The following EHBP1 variants were observed in gnomAD, a reference collection of about 807,000 sequenced individuals.
The protein encoded by EHBP1 is EH domain-binding protein 1.
EHBP1 carries 55 observed loss-of-function variants against 144.0 expected under a neutral mutation model. The observed-to-expected ratio is 0.38, with a 90% CI of 0.31 to 0.48. The LOEUF is 0.48. Among genes scored for constraint, EHBP1 ranks in the 20% least tolerant of loss-of-function variants. The pLI is 0.98. For missense variants in EHBP1, 1,200 were observed against 1,364.2 expected (o/e 0.88, Z 1.90); for synonymous variants, 469 against 472.7 (o/e 0.99, Z 0.10).
intron 10 of EHBP1, among the ~76,000 whole-genome samples, chr2:62,922,152 G>C (rs1012640370): frequency 5.9e-5 from 9 of 152,192 alleles, no homozygotes; most frequent in Non-Finnish European, 1.3e-4. Flanking sequence ...TCCAGCCTGA[G>C]CGACAGAGCA....
At chr2:62,947,317 A>G (rs1249548828) in intron 12 of EHBP1, among the ~76,000 whole-genome samples, 6 of 152,204 alleles carry the variant, frequency 3.9e-5, no homozygotes, top group African/African-American at 7.2e-5. Flanking sequence ...AAACATAGCA[A>G]TGTACTTTAA....
At chr2:62,733,081 C>T (rs567107314) in intron 2 of EHBP1, among the ~76,000 whole-genome samples, 3 of 152,164 alleles carry the variant, frequency 2.0e-5, no homozygotes, top group Non-Finnish European at 4.4e-5. Flanking sequence ...TTCATTATCT[C>T]TGCTCTGAGT....
intron 8 of EHBP1, among the ~76,000 whole-genome samples, chr2:62,864,086 G>A (rs1444532291): frequency 3.3e-5 from 5 of 152,030 alleles, no homozygotes; most frequent in African/African-American, 9.6e-5. Context: ...GACCTCAAGT[G>A]ATCTACCCAC....
intron 2 of EHBP1, among the ~76,000 whole-genome samples, chr2:62,736,374 C>A (rs2038133175): frequency 6.6e-6 from 1 of 151,784 alleles, no homozygotes; most frequent in African/African-American, 2.4e-5. Flanking sequence ...GAGGTGTGCA[C>A]CACCATACCC....
At position 62,741,992 on chromosome 2, in the gene EHBP1, C is replaced by G. The variant is rs543304752; in HGVS notation, c.105-5403C>G. On this transcript the variant is annotated intron_variant, in intron 2 of 22. Transcript: ENST00000431489. ...TTATAATACTGTATTTTTTACTGCA[C>G]CTTTTCTATGTTTATATATGTTTAG... Among the ~76,000 whole-genome samples the G allele has an allele frequency of 7.9e-5, 12 of 152,138 alleles. No homozygotes were observed. The South Asian group carries it at 2.5e-3, about 32-fold the overall frequency.
At chr2:62,735,466 A>G (rs2038035331) in intron 2 of EHBP1, among the ~76,000 whole-genome samples, 1 of 152,114 alleles carries the variant, frequency 6.6e-6, no homozygotes, top group African/African-American at 2.4e-5. Flanking sequence ...ATATAAGCAT[A>G]TATGTATATA....
At chr2:62,932,770 G>A (rs1474016081) in intron 10 of EHBP1, among the ~76,000 whole-genome samples, 4 of 151,862 alleles carry the variant, frequency 2.6e-5, no homozygotes, top group African/African-American at 4.8e-5. Context: ...CCTGGGCAAC[G>A]TGGCGGAATC....
At chr2:63,001,533 A>T (rs1176889964) in intron 19 of EHBP1, among the ~76,000 whole-genome samples, 1 of 152,204 alleles carries the variant, frequency 6.6e-6, no homozygotes, top group Non-Finnish European at 1.5e-5. Flanking sequence ...ATAAAAATCA[A>T]GATGACAGTA....
At chr2:62,906,272 G>A (rs935280092) in intron 10 of EHBP1, among the ~76,000 whole-genome samples, 2 of 150,924 alleles carry the variant, frequency 1.3e-5, no homozygotes, top group African/African-American at 4.9e-5. Context: ...TACTGTATAC[G>A]TGTCCGTCTA....
chr2:62,819,779 A>C (rs1000463585), intron 5 of EHBP1, among the ~76,000 whole-genome samples: 5 of 152,006 alleles, frequency 3.3e-5, no homozygotes, highest in Admixed American at 2.0e-4. Flanking sequence ...AACAAAAAAA[A>C]AAAAACCCGC....
chr2:62,904,307 T>G (rs964165280), intron 10 of EHBP1, among the ~76,000 whole-genome samples: 1 of 152,154 alleles, frequency 6.6e-6, no homozygotes, highest in Non-Finnish European at 1.5e-5. Flanking sequence ...TAGTGGTCTT[T>G]CTCAAATATT....
At chr2:62,923,494 C>A (rs532962822) in intron 10 of EHBP1, among the ~76,000 whole-genome samples, 1 of 152,292 alleles carries the variant, frequency 6.6e-6, no homozygotes, top group South Asian at 2.1e-4. Flanking sequence ...TGGCCCCATG[C>A]CCACAGCAAG....
At chr2:62,828,867 A>G (rs1432180116) in intron 6 of EHBP1, among the ~76,000 whole-genome samples, 1 of 152,202 alleles carries the variant, frequency 6.6e-6, no homozygotes, top group Non-Finnish European at 1.5e-5. Flanking sequence ...ACAGTGGTTC[A>G]CACCTGTAAT....
intron 2 of EHBP1, among the ~76,000 whole-genome samples, chr2:62,739,539 G>T (rs939792146): frequency 6.6e-6 from 1 of 152,110 alleles, no homozygotes; most frequent in Non-Finnish European, 1.5e-5. Context: ...ATCATTATGG[G>T]TGATACTGTA....
intron 10 of EHBP1, among the ~76,000 whole-genome samples, chr2:62,935,328 CAAAAAA>C (rs550896639): frequency 9.4e-6 from 1 of 106,490 alleles, no homozygotes; most frequent in Non-Finnish European, 1.9e-5. Context: ...GACTCCATCT[CAAAAAA>C]AAAAAAAAAA....
At chr2:62,759,031 A>G (rs1029715744) in intron 3 of EHBP1, among the ~76,000 whole-genome samples, 1 of 152,202 alleles carries the variant, frequency 6.6e-6, no homozygotes, top group Admixed American at 6.5e-5. Context: ...TGTACTAGGT[A>G]CACGTTTTTT....
chr2:62,840,209 G>C (rs575426967), intron 7 of EHBP1, among the ~76,000 whole-genome samples: 140 of 150,888 alleles, frequency 9.3e-4, no homozygotes, highest in African/African-American at 3.2e-3. Flanking sequence ...TCTGATCTTT[G>C]ACAAACCTGA....
chr2:62,915,278 G>T (rs1392770263), intron 10 of EHBP1, among the ~76,000 whole-genome samples: 2 of 152,036 alleles, frequency 1.3e-5, no homozygotes, highest in East Asian at 3.8e-4. Context: ...TATTTTAAAT[G>T]TATACCAGAA....
upstream of EHBP1, among the ~76,000 whole-genome samples, chr2:62,705,034 T>A (rs906293624): frequency 1.2e-4 from 19 of 152,156 alleles, no homozygotes; most frequent in Non-Finnish European, 2.5e-4. Context: ...ACTGTACACA[T>A]TTTGTGTCTA....
Sources: allele counts gnomAD v4.1 joint callset (sites outside exome capture counted in the v4.1 genomes callset), GRCh38; gene constraint gnomAD v4.1.1; transcripts MANE v1.5; gene names NCBI Gene and HGNC (gene_info 2026-07-23, HGNC 2026-07-21).